ZMYM3: variants seen among roughly 807,000 people sequenced by gnomAD.
ZMYM3 encodes zinc finger MYM-type protein 3.
In ZMYM3, 6 loss-of-function variants were observed where a neutral mutation model predicts 94.2. The observed-to-expected ratio is 0.06, with a 90% CI of 0.03 to 0.13. The LOEUF (loss-of-function observed/expected upper bound fraction) is 0.13, where lower values mean the gene tolerates loss of function less well. ZMYM3 is among the 10% of genes least tolerant of loss of function. The pLI is 1.00. For synonymous variants in ZMYM3, 420 were observed against 426.5 expected, an observed-to-expected ratio of 0.98 and a Z score of 0.19; for missense variants, 664 against 1,132.6, an observed-to-expected ratio of 0.59 and a Z score of 5.94.
chrX:71,245,127 T>TA (rs5902685), intron 18 of ZMYM3, among the ~76,000 whole-genome samples: 671 of 42,611 alleles, frequency 0.016, 2 homozygotes, highest in African/African-American at 0.03. Context: ...GCTTAAAAAT[T>TA]AAAAAAAAAA....
Position 71,249,524 on chromosome X carries a change from G to A in ZMYM3, c.1407C>T (p.Leu469=), listed in dbSNP as rs776907930. The part of the protein sequence containing the change: ...YTKTGSPGPE[L]LFHEGQQKRF... ...GCTTTTGTTGGCCCTCGTGGAAGAG[G>A]AGCTCAGGGCCAGGACTCCCGGTCT... The change falls in exon 7 of 25, where the codon CTC becomes CTT. Residue 469 remains leucine, a synonymous_variant. Transcript: ENST00000314425. 5 of 1,203,394 alleles carry A rather than the reference G, an allele frequency of 4.2e-6. No homozygotes were observed. In the South Asian group the frequency reaches 7.2e-5, roughly 17 times the overall value.
At chrX:71,250,912 G>A (rs1206826803) in intron 4 of ZMYM3, among the ~76,000 whole-genome samples, 186 bp from the exon 5 acceptor site, 2 of 111,450 alleles carry the variant, frequency 1.8e-5, no homozygotes, top group African/African-American at 6.5e-5. Context: ...ACCTCCCAGG[G>A]AGGGAAAGGG....
chrX:71,245,586 C>G, intron 17 of ZMYM3, 82 bp downstream of exon 17: 1 of 1,160,218 alleles, frequency 8.6e-7, no homozygotes, highest in Admixed American at 2.4e-5. Context: ...CTACTAGGCA[C>G]CAAGATCACC....
At chrX:71,247,712 C>T in intron 12 of ZMYM3, 22 bp downstream of exon 12, 4 of 1,202,378 alleles carry the variant, frequency 3.3e-6, no homozygotes, top group South Asian at 3.6e-5. Flanking sequence ...TCCCGCCTCG[C>T]TCGCATGCTG....
Position 71,244,834 on chromosome X carries a change from C to G in ZMYM3, c.3067G>C (p.Glu1023Gln). 2 of 1,208,331 alleles carry G rather than the reference C, an allele frequency of 1.7e-6. No homozygotes were observed. The highest frequency in any genetic ancestry group is 2.2e-6 in the Non-Finnish European group (2 of 893,756). Reference sequence around the variant, plus strand: ...AGGTCTTGTTCAGTAGACACATCCTCAGGCCCTACCAGGCCACAATCAAAG... The same window carrying G: ...AGGTCTTGTTCAGTAGACACATCCTGAGGCCCTACCAGGCCACAATCAAAG... ...FLFDCGLVGPEDVSTEQDLPR... is the reference protein window; with the variant it reads ...FLFDCGLVGPQDVSTEQDLPR... Residue 1023 changes from glutamate (E) to glutamine (Q), a missense_variant, in exon 19 of 25, where the codon GAG becomes CAG. This residue lies in a region of ZMYM3 where 75 missense variants were observed against 152.5 expected (regional missense o/e 0.49). Transcript: ENST00000314425.
At chrX:71,255,015 C>A (rs2030684753), upstream of ZMYM3, 1 of 106,624 alleles carries the variant, frequency 9.4e-6, no homozygotes, top group African/African-American at 3.4e-5. Flanking sequence ...GTTCTGGGAT[C>A]TTCTCCCTGA....
At chrX:71,251,527 A>G in intron 3 of ZMYM3, 31 bp downstream of exon 3, 1 of 1,176,274 alleles carries the variant, frequency 8.5e-7, no homozygotes, top group Admixed American at 2.4e-5. Flanking sequence ...CTAAGGGGGA[A>G]CCAGACTCCT....
chrX:71,255,215 T>G (rs753035744), upstream of ZMYM3: 3 of 103,625 alleles, frequency 2.9e-5, no homozygotes, highest in Non-Finnish European at 5.9e-5. Flanking sequence ...CTTCTCGCTC[T>G]CTCTCTCTCT....
rs765817165 is a variant in ZMYM3, at chrX:71,248,814, G to C, written c.1622-13C>G. On this transcript the variant is annotated splice_polypyrimidine_tract_variant and intron_variant, in intron 8 of 24. Transcript: ENST00000314425. ...GGTCGGGGAGGGCCTGGGGCATAGAGAGAAAGAGAGAGAGGAAAAGAGAAA... is the reference window on the plus strand; with the variant it reads ...GGTCGGGGAGGGCCTGGGGCATAGACAGAAAGAGAGAGAGGAAAAGAGAAA... The C allele has an allele frequency of 3.0e-5, 35 of 1,161,452 alleles. No homozygotes were observed. Among genetic ancestry groups the C allele is most frequent in the Non-Finnish European group, 3.7e-5 (32 of 859,624 alleles).
At position 71,246,395 on chromosome X, in the gene ZMYM3, C is replaced by T. The variant is rs201512680; in HGVS notation, c.2530G>A (p.Val844Ile). Reference sequence around the variant, plus strand: ...GACTTCATCTCCACCTTGCAGGAGACGCCCCGATTCTGCATCAGTGGCTTA... The same window carrying T: ...GACTTCATCTCCACCTTGCAGGAGATGCCCCGATTCTGCATCAGTGGCTTA... Reference protein sequence around the residue: ...MCKPLMQNRGVSCKVEMKSKG... With the variant: ...MCKPLMQNRGISCKVEMKSKG... The change falls in exon 15 of 25, where the codon GTC becomes ATC. Residue 844 changes from valine (V) to isoleucine (I), a missense_variant. Physicochemically the swap from Val to Ile is conservative, Grantham distance 29 (BLOSUM62 3). Around this residue, in one of 9 missense-constraint regions of ZMYM3, gnomAD observed 57 missense variants for 52.0 expected, o/e 1.10. Transcript: ENST00000314425. 370 of 1,203,721 alleles carry T rather than the reference C, an allele frequency of 3.1e-4. 1 individual carries two copies. In the South Asian group the frequency reaches 5.4e-3, roughly 18 times the overall value.
chrX:71,252,559 C>G, intron 2 of ZMYM3, 30 bp downstream of exon 2: 1 of 1,134,747 alleles, frequency 8.8e-7, no homozygotes, highest in Non-Finnish European at 1.2e-6. Flanking sequence ...CTCTCCCAGC[C>G]CTGATTCTCC....
At position 71,246,485 on chromosome X, in the gene ZMYM3, T is replaced by G. The variant is rs1457050167; in HGVS notation, c.2440A>C (p.Thr814Pro). 8.6e-7 allele frequency: 1 copy of G among 1,162,570 alleles called. No homozygotes were observed. The highest frequency in any genetic ancestry group is 2.0e-5 in the South Asian group (1 of 51,154). ...GGTGGGGGTGGAGGGGTGGGAGCAGTGGGAGCTGATCGGGTCTTCACAGGG... is the reference window on the plus strand; with the variant it reads ...GGTGGGGGTGGAGGGGTGGGAGCAGGGGGAGCTGATCGGGTCTTCACAGGG... ...KIPVKTRSAP[T>P]APTPPPPPPP... The change falls in exon 15 of 25, where the codon ACT becomes CCT. Residue 814 changes from threonine to proline, a missense_variant. Physicochemically the swap from Thr to Pro is conservative, Grantham distance 38. Coordinates refer to ENST00000314425, the MANE Select transcript of ZMYM3 (RefSeq NM_201599.3).
rs752766766 is a variant in ZMYM3 at position 71,240,558 on chromosome X, C to T, written c.*358G>A. 2.4e-5 allele frequency: 4 copies of T among 165,278 alleles called. No individual in the cohort carries two copies. Among genetic ancestry groups the T allele is most frequent in the Non-Finnish European group, 4.6e-5 (4 of 87,709 alleles). The allele number at this position is 165,278 out of a possible 1,213,427, so 13.6% of individuals were successfully genotyped here. ...CTAGGAACAAGAGGCTCTACCTATGCGGGATGGGTCAGGAAACCCAAAGCC... is the reference window on the plus strand; with the variant it reads ...CTAGGAACAAGAGGCTCTACCTATGTGGGATGGGTCAGGAAACCCAAAGCC... On this transcript the variant is annotated 3_prime_UTR_variant, in exon 25 of 25. Transcript: ENST00000314425.
Position 71,246,455 on chromosome X carries a change from G to C in ZMYM3, c.2470C>G (p.Pro824Ala), listed in dbSNP as rs1358004621. The change falls in exon 15 of 25, where the codon CCA becomes GCA. Residue 824 changes from proline to alanine, a missense_variant. Pro to Ala is a conservative substitution (Grantham distance 27). Coordinates refer to ENST00000314425, the MANE Select transcript of ZMYM3 (RefSeq NM_201599.3). The part of the protein sequence containing the change: ...TAPTPPPPPP[P>A]ATPRKNKAAM... ...GCCTTGTTTTTGCGGGGTGTTGCTG[G>C]GGGTGGTGGGGGTGGAGGGGTGGGA... 2 of 1,158,592 alleles carry C rather than the reference G, an allele frequency of 1.7e-6. No homozygotes were observed. The highest frequency in any genetic ancestry group is 2.0e-5 in the South Asian group (1 of 50,601).
At chrX:71,252,426 A>G (rs773093371) in intron 2 of ZMYM3, among the ~76,000 whole-genome samples, 163 bp downstream of exon 2, 24 of 88,967 alleles carry the variant, frequency 2.7e-4, no homozygotes, top group Non-Finnish European at 4.3e-4. Context: ...TCCTCTACAC[A>G]CCACCCCACT....
Position 71,244,793 on chromosome X carries a change from C to T in ZMYM3, c.3108G>A (p.Arg1036=), listed in dbSNP as rs143160174. The T allele has an allele frequency of 1.5e-5, 18 of 1,202,538 alleles. No homozygotes were observed. In the South Asian group the frequency reaches 2.3e-4, roughly 16 times the overall value. The part of the protein sequence containing the change: ...STEQDLPRTM[R]KGQKRLVLSE... Reference sequence around the variant, plus strand: ...CATACAGTAGCCCCAGCCCTACCTTCCTCATGGTTCGGGGAAGGTCTTGTT... The same window carrying T: ...CATACAGTAGCCCCAGCCCTACCTTTCTCATGGTTCGGGGAAGGTCTTGTT... Residue 1036 remains arginine, a synonymous_variant, in exon 19 of 25, where the codon AGG becomes AGA. Coordinates refer to ENST00000314425, the MANE Select transcript of ZMYM3 (RefSeq NM_201599.3).
Position 71,247,369 on chromosome X carries a change from T to G in ZMYM3, c.2290A>C (p.Ser764Arg). The part of the protein sequence containing the change: ...QQNQPNLDTQ[S>R]GPESLLNSQS... Reference sequence around the variant, plus strand: ...CTGTTCAGGAGGCTCTCGGGCCCACTCTGGGTATCCAGGTTGGGTTGGTTC... The same window carrying G: ...CTGTTCAGGAGGCTCTCGGGCCCACGCTGGGTATCCAGGTTGGGTTGGTTC... Residue 764 changes from serine to arginine, a missense_variant, in exon 13 of 25, where the codon AGT becomes CGT. Physicochemically the swap from Ser to Arg is moderately radical, Grantham distance 110. Transcript: ENST00000314425. 1 of 1,199,044 alleles carries G rather than the reference T, an allele frequency of 8.3e-7. No homozygotes were observed. Among genetic ancestry groups the G allele is most frequent in the Non-Finnish European group, 1.1e-6 (1 of 888,613 alleles).
Position 71,250,598 on chromosome X carries a change from A to G in ZMYM3, c.907T>C (p.Ser303Pro). Residue 303 changes from serine (S) to proline (P), a missense_variant, in exon 5 of 25, where the codon TCT (serine) becomes CCT (proline). By Grantham distance (74) the Ser-to-Pro change is moderately conservative. Coordinates refer to ENST00000314425, the MANE Select transcript of ZMYM3 (RefSeq NM_201599.3). ...CAAGTCATCTTGGTGCCCACTGCAG[A>G]GCGCCCGGCCCTTTGTGACACACTT... ...RSSVSQRAGRSAVGTKMTCAH... is the reference protein window; with the variant it reads ...RSSVSQRAGRPAVGTKMTCAH... 1 of 1,211,406 alleles carries G rather than the reference A, an allele frequency of 8.3e-7. No homozygotes were observed. The highest frequency in any genetic ancestry group is 1.1e-6 in the Non-Finnish European group (1 of 895,290).
chrX:71,242,048 C>CCGA, intron 23 of ZMYM3, 122 bp downstream of exon 23: 1 of 981,885 alleles, frequency 1.0e-6, no homozygotes, highest in East Asian at 3.4e-5. Context: ...CACACAGGAA[C>CCGA]AGGAGAGGGA....
Sources: allele counts gnomAD v4.1 joint callset (sites outside exome capture counted in the v4.1 genomes callset), GRCh38; gene constraint gnomAD v4.1.1; regional missense constraint gnomAD v4.1.1; transcripts MANE v1.5; gene names NCBI Gene and HGNC (gene_info 2026-07-23, HGNC 2026-07-21).